Variants in ARID1B observed in about 807,000 individuals in gnomAD.
ARID1B encodes AT-rich interactive domain-containing protein 1B.
A neutral mutation model predicts 212.3 loss-of-function variants in ARID1B; 30 were observed. The observed-to-expected ratio is 0.14, with a 90% confidence interval of 0.11 to 0.19. The LOEUF (loss-of-function observed/expected upper bound fraction) is 0.19. ARID1B is among the 10% of genes least tolerant of loss of function. ARID1B has a pLI of 1.00. For missense variants in ARID1B, 2,891 were observed against 3,204.0 expected (o/e 0.90, Z 2.36); for synonymous variants, 1,402 against 1,301.7 (o/e 1.08, Z -1.66).
chr6:156,849,641 TCTC>T (rs1041861995), intron 2 of ARID1B, among the ~76,000 whole-genome samples: 6 of 152,202 alleles, frequency 3.9e-5, no homozygotes, highest in African/African-American at 1.4e-4. Context: ...ACATTCATTT[TCTC>T]CTTCTTTTCT....
intron 3 of ARID1B, among the ~76,000 whole-genome samples, chr6:156,922,316 G>A (rs1235685971): frequency 6.6e-6 from 1 of 152,018 alleles, no homozygotes; most frequent in Non-Finnish European, 1.5e-5. Flanking sequence ...GGGGTTACAG[G>A]TGCATGCCAC....
chr6:156,953,296 G>A (rs1793718834), intron 4 of ARID1B, among the ~76,000 whole-genome samples: 1 of 152,184 alleles, frequency 6.6e-6, no homozygotes, highest in African/African-American at 2.4e-5. Context: ...CTGACTACTG[G>A]TGCTTAAAAC....
At chr6:156,887,862 G>A (rs1235168774) in intron 2 of ARID1B, among the ~76,000 whole-genome samples, 2 of 152,206 alleles carry the variant, frequency 1.3e-5, no homozygotes, top group East Asian at 1.9e-4. Flanking sequence ...TCCCCAGGGT[G>A]GAAAGTGGCC....
chr6:156,911,449 C>T (rs1398562543), intron 3 of ARID1B, among the ~76,000 whole-genome samples: 1 of 148,396 alleles, frequency 6.7e-6, no homozygotes, highest in Non-Finnish European at 1.5e-5. Context: ...CACTCTTACA[C>T]ATTGCAGGAT....
At chr6:156,844,947 C>T (rs768455509) in intron 2 of ARID1B, among the ~76,000 whole-genome samples, 2 of 152,188 alleles carry the variant, frequency 1.3e-5, no homozygotes, top group Admixed American at 6.5e-5. Flanking sequence ...TGCACTTCCT[C>T]TCAAGATGGT....
chr6:156,970,631 AG>A (rs1441138617), intron 4 of ARID1B, among the ~76,000 whole-genome samples: 1 of 152,218 alleles, frequency 6.6e-6, no homozygotes, highest in African/African-American at 2.4e-5. Context: ...CACTCAAAAG[AG>A]ATAATTCTTT....
At chr6:157,035,664 A>G (rs1781280434) in intron 4 of ARID1B, among the ~76,000 whole-genome samples, 1 of 152,242 alleles carries the variant, frequency 6.6e-6, no homozygotes, top group Admixed American at 6.5e-5. Flanking sequence ...CATATTTGGT[A>G]TCAGCAACAT....
At chr6:157,142,950 T>C (rs2128614941) in intron 7 of ARID1B, among the ~76,000 whole-genome samples, 1 of 152,296 alleles carries the variant, frequency 6.6e-6, no homozygotes, top group East Asian at 1.9e-4. Context: ...CATTTAGTAG[T>C]TTACAAAAAG....
At chr6:157,038,408 A>G (rs1781474674) in intron 4 of ARID1B, among the ~76,000 whole-genome samples, 1 of 152,144 alleles carries the variant, frequency 6.6e-6, no homozygotes, top group Non-Finnish European at 1.5e-5. Flanking sequence ...AGCACAGTCT[A>G]CCAGTTGTAC....
chr6:157,146,584 CTTG>C lies in ARID1B; in HGVS notation c.2762-2037_2762-2035del, dbSNP rs1789741377. On this transcript the variant is annotated intron_variant, in intron 7 of 19. Transcript: ENST00000636930. ...GCTTTGTTTTGCTTTTATCCTTTTTCTTGTTTTCACCCTTGCTGCTTTACTGCA... is the reference window on the plus strand; with the variant it reads ...GCTTTGTTTTGCTTTTATCCTTTTTCTTTTCACCCTTGCTGCTTTACTGCA... Among the ~76,000 whole-genome samples, 8 of 152,144 alleles carry C rather than the reference CTTG, an allele frequency of 5.3e-5. No homozygotes were observed. The South Asian group carries it at 8.3e-4, about 16-fold the overall frequency.
intron 4 of ARID1B, among the ~76,000 whole-genome samples, chr6:156,978,125 G>C: frequency 6.6e-6 from 1 of 152,184 alleles, no homozygotes; most frequent in East Asian, 1.9e-4. Context: ...AATACCAGGA[G>C]CGTTCTTGTT....
intron 2 of ARID1B, among the ~76,000 whole-genome samples, chr6:156,892,773 A>C (rs969866600): frequency 6.6e-6 from 1 of 152,200 alleles, no homozygotes; most frequent in Non-Finnish European, 1.5e-5. Flanking sequence ...CAAACAGACC[A>C]TATGGTGTGT....
intron 1 of ARID1B, among the ~76,000 whole-genome samples, chr6:156,817,546 G>A (rs1009492870): frequency 4.0e-5 from 6 of 151,570 alleles, no homozygotes; most frequent in Admixed American, 3.9e-4. Context: ...GGGAGGATGG[G>A]TTGAGCCCAG....
chr6:156,978,682 T>C (rs933579488), intron 4 of ARID1B, among the ~76,000 whole-genome samples: 1 of 152,002 alleles, frequency 6.6e-6, no homozygotes, highest in South Asian at 2.1e-4. Context: ...GGTGGGTCTT[T>C]ACTTAAAATC....
chr6:157,038,628 A>G (rs537303572), intron 4 of ARID1B, among the ~76,000 whole-genome samples: 16 of 152,284 alleles, frequency 1.1e-4, no homozygotes, highest in Non-Finnish European at 2.4e-4. Flanking sequence ...TCTAAATAGA[A>G]CCTAATTCAG....
intron 5 of ARID1B, among the ~76,000 whole-genome samples, chr6:157,103,369 T>A (rs1451295121): frequency 6.6e-6 from 1 of 152,204 alleles, no homozygotes; most frequent in African/African-American, 2.4e-5. Context: ...TTGTAGTCAG[T>A]TGAGACAATG....
intron 2 of ARID1B, among the ~76,000 whole-genome samples, chr6:156,862,670 A>T (rs961754806): frequency 1.3e-5 from 2 of 152,134 alleles, no homozygotes; most frequent in Non-Finnish European, 2.9e-5. Flanking sequence ...GAGTGGTGTA[A>T]GGAGTGAATG....
At chr6:156,806,801 ATAAT>A (rs1562399343) in intron 1 of ARID1B, among the ~76,000 whole-genome samples, 1 of 152,200 alleles carries the variant, frequency 6.6e-6, no homozygotes, top group Non-Finnish European at 1.5e-5. Flanking sequence ...CACATAGTAA[ATAAT>A]TCAGGTTTTC....
intron 5 of ARID1B, among the ~76,000 whole-genome samples, chr6:157,093,836 TCCTTCCTG>T (rs1785438698): frequency 6.6e-6 from 1 of 152,248 alleles, no homozygotes; most frequent in Admixed American, 6.5e-5. Context: ...TTGTTCCGTT[TCCTTCCTG>T]CCTTATTTTA....
Sources: allele counts gnomAD v4.1 joint callset (sites outside exome capture counted in the v4.1 genomes callset), GRCh38; gene constraint gnomAD v4.1.1; transcripts MANE v1.5; gene names NCBI Gene and HGNC (gene_info 2026-07-23, HGNC 2026-07-21).